Variants in SLC8A1 observed in about 807,000 individuals in gnomAD.
The protein encoded by SLC8A1 is sodium/calcium exchanger 1.
A neutral mutation model predicts 68.3 loss-of-function variants in SLC8A1; 18 were observed. The observed-to-expected ratio is 0.26, with a 90% CI of 0.18 to 0.39. The LOEUF is 0.39. Ranked by LOEUF, SLC8A1 falls within the 10% of genes least tolerant of loss-of-function variation. SLC8A1 has a pLI of 1.00. For synonymous variants in SLC8A1, 475 were observed against 415.5 expected (o/e 1.14, Z -1.74); for missense variants, 985 against 1,156.7 (o/e 0.85, Z 2.15).
chr2:40,155,801 G>T (rs574628772), intron 6 of SLC8A1, among the ~76,000 whole-genome samples: 1 of 152,174 alleles, frequency 6.6e-6, no homozygotes, highest in Non-Finnish European at 1.5e-5. Flanking sequence ...GGGCTAAGGT[G>T]ACATGCCCTC....
At chr2:40,465,029 G>C (rs1703579734) in intron 1 of SLC8A1, among the ~76,000 whole-genome samples, 1 of 152,200 alleles carries the variant, frequency 6.6e-6, no homozygotes. Flanking sequence ...GAGGAAAAAG[G>C]GCGGGTGAGA....
chr2:40,236,961 G>A (rs1318731201), intron 2 of SLC8A1, among the ~76,000 whole-genome samples: 2 of 152,120 alleles, frequency 1.3e-5, no homozygotes, highest in Non-Finnish European at 1.5e-5. Context: ...GGTTTCTGCC[G>A]AGAGATCCGC....
intron 2 of SLC8A1, among the ~76,000 whole-genome samples, chr2:40,186,097 C>T (rs1245087967): frequency 6.6e-6 from 1 of 152,198 alleles, no homozygotes; most frequent in Non-Finnish European, 1.5e-5. Context: ...GCTTCCTTGA[C>T]TCCTTTCTTT....
At chr2:40,329,610 G>A (rs973598840) in intron 2 of SLC8A1, among the ~76,000 whole-genome samples, 1 of 152,144 alleles carries the variant, frequency 6.6e-6, no homozygotes, top group African/African-American at 2.4e-5. Context: ...GCCCTATGAC[G>A]TATCTTCAAA....
chr2:40,248,703 C>T (rs753993609), intron 2 of SLC8A1, among the ~76,000 whole-genome samples: 35 of 151,986 alleles, frequency 2.3e-4, no homozygotes, highest in Non-Finnish European at 3.2e-4. Context: ...TTCCCCTTTC[C>T]GTGATCTATA....
chr2:40,210,800 T>C (rs529331413), intron 2 of SLC8A1, among the ~76,000 whole-genome samples: 1 of 152,344 alleles, frequency 6.6e-6, no homozygotes, highest in East Asian at 1.9e-4. Context: ...ATCAGCTCTC[T>C]CTTTATTCTC....
At chr2:40,105,768 T>C (rs1036370212) in exon 8 of SLC8A1, 2 of 152,214 alleles carry the variant, frequency 1.3e-5, no homozygotes, top group Non-Finnish European at 2.9e-5. Context: ...CTTCTGGCAT[T>C]GTACTAAATT....
intron 2 of SLC8A1, among the ~76,000 whole-genome samples, chr2:40,372,050 G>A (rs1678272858): frequency 6.6e-6 from 1 of 152,082 alleles, no homozygotes; most frequent in Admixed American, 6.6e-5. Flanking sequence ...CAAAGGCCAA[G>A]GATTTGAAAA....
At chr2:40,251,708 G>A (rs532087161) in intron 2 of SLC8A1, 6 of 152,322 alleles carry the variant, frequency 3.9e-5, no homozygotes, top group Admixed American at 2.6e-4. Flanking sequence ...TGGAAGCTGG[G>A]AGAGAGGGTC....
chr2:40,270,700 CT>C (rs2065917624), intron 2 of SLC8A1, among the ~76,000 whole-genome samples: 1 of 152,206 alleles, frequency 6.6e-6, no homozygotes, highest in Admixed American at 6.5e-5. Context: ...TAAAAGTCCC[CT>C]TCGCCAAGTC....
chr2:40,309,945 A>T (rs886876997), intron 2 of SLC8A1, among the ~76,000 whole-genome samples: 1 of 152,116 alleles, frequency 6.6e-6, no homozygotes, highest in African/African-American at 2.4e-5. Context: ...TTCAGCCCCA[A>T]AAGAAACCCT....
At chr2:40,190,833 A>T (rs1023668502) in intron 2 of SLC8A1, 2 of 152,134 alleles carry the variant, frequency 1.3e-5, no homozygotes, top group Non-Finnish European at 2.9e-5. Flanking sequence ...TGGGCATCCC[A>T]CTTAGCAGTT....
chr2:40,279,983 T>C (rs758793365), intron 2 of SLC8A1, among the ~76,000 whole-genome samples: 17 of 152,308 alleles, frequency 1.1e-4, no homozygotes, highest in Admixed American at 3.3e-4. Flanking sequence ...TAATATACAA[T>C]TGCATCTGTA....
chr2:40,253,311 TATATACACAC>T (rs2063301797), intron 2 of SLC8A1, among the ~76,000 whole-genome samples: 2 of 149,840 alleles, frequency 1.3e-5, no homozygotes, highest in Non-Finnish European at 3.0e-5. Flanking sequence ...TATATACACA[TATATACACAC>T]ACATATATGT....
chr2:40,147,028 A>C (rs1219385852), intron 6 of SLC8A1, among the ~76,000 whole-genome samples: 1 of 152,234 alleles, frequency 6.6e-6, no homozygotes, highest in Non-Finnish European at 1.5e-5. Flanking sequence ...AATGCTTACA[A>C]GCTTAAGCCA....
chr2:40,449,960 A>T (rs1702128867), intron 1 of SLC8A1, among the ~76,000 whole-genome samples: 1 of 152,226 alleles, frequency 6.6e-6, no homozygotes, highest in Non-Finnish European at 1.5e-5. Flanking sequence ...AGGTGTGAGA[A>T]ATCTTAGCTA....
intron 1 of SLC8A1, among the ~76,000 whole-genome samples, chr2:40,472,183 C>A (rs1316291287): frequency 6.6e-6 from 1 of 152,152 alleles, no homozygotes; most frequent in African/African-American, 2.4e-5. Context: ...AGTAAACTTA[C>A]ACACGCATAT....
At chr2:40,497,919 G>C (rs1475711984) in intron 1 of SLC8A1, among the ~76,000 whole-genome samples, 1 of 152,042 alleles carries the variant, frequency 6.6e-6, no homozygotes, top group Non-Finnish European at 1.5e-5. Flanking sequence ...GGAGCAGCCA[G>C]GGTGGAGGTA....
At chr2:40,305,864 G>A (rs371590243) in intron 2 of SLC8A1, among the ~76,000 whole-genome samples, 31 of 152,230 alleles carry the variant, frequency 2.0e-4, no homozygotes, top group African/African-American at 5.5e-4. Context: ...GAAACAGACC[G>A]TTTGTACTGC....
Sources: allele counts gnomAD v4.1 joint callset (sites outside exome capture counted in the v4.1 genomes callset), GRCh38; gene constraint gnomAD v4.1.1; transcripts MANE v1.5; gene names NCBI Gene and HGNC (gene_info 2026-07-23, HGNC 2026-07-21).